Variants in MYO16 observed in about 807,000 individuals in gnomAD.
MYO16 encodes the protein unconventional myosin-XVI.
A neutral mutation model predicts 205.3 loss-of-function variants in MYO16; 94 were observed. The ratio of observed to expected loss-of-function variants is 0.46; its 90% CI spans 0.39 to 0.54. The LOEUF (loss-of-function observed/expected upper bound fraction) is 0.54, where lower values mean the gene tolerates loss of function less well. Among genes scored for constraint, MYO16 ranks in the 20% least tolerant of loss-of-function variants. MYO16 has a pLI of 0.00. For synonymous variants in MYO16, 988 were observed against 954.0 expected (o/e 1.04, Z -0.66); for missense variants, 2,315 against 2,387.5 (o/e 0.97, Z 0.63).
intron 4 of MYO16, among the ~76,000 whole-genome samples, chr13:108,761,957 AAT>A (rs1594273737): frequency 6.6e-6 from 1 of 152,182 alleles, no homozygotes; most frequent in East Asian, 1.9e-4. Flanking sequence ...CCATCACCTA[AAT>A]AGTTTAAGTT....
At chr13:108,503,013 C>T in the MYO16 span, among the ~76,000 whole-genome samples, 1 of 151,970 alleles carries the variant, frequency 6.6e-6, no homozygotes. Context: ...CATTTTATAG[C>T]GTGTAGAAAC....
the MYO16 span, among the ~76,000 whole-genome samples, chr13:108,498,849 C>T: frequency 6.6e-6 from 1 of 152,158 alleles, no homozygotes; most frequent in East Asian, 1.9e-4. Flanking sequence ...TTGATCCTCA[C>T]AAGTGCCCTG....
chr13:108,898,210 G>A, intron 15 of MYO16, 77 bp downstream of exon 15: 1 of 1,114,748 alleles, frequency 9.0e-7, no homozygotes, highest in Non-Finnish European at 1.4e-6. Context: ...GCACGCTATG[G>A]ACACACTGTG....
At chr13:108,678,770 C>A (rs76107076) in intron 2 of MYO16, among the ~76,000 whole-genome samples, 1,803 of 152,294 alleles carry the variant, frequency 0.012, 37 homozygotes, top group African/African-American at 0.041. Context: ...TTCCCCTCTG[C>A]AAATTCTAGA....
At chr13:109,002,574 C>T (rs1211240607) in intron 21 of MYO16, among the ~76,000 whole-genome samples, 1 of 152,254 alleles carries the variant, frequency 6.6e-6, no homozygotes, top group African/African-American at 2.4e-5. Context: ...TTTATGAATA[C>T]TCACCTTTCA....
At chr13:108,968,352 G>A (rs976702951) in intron 20 of MYO16, among the ~76,000 whole-genome samples, 2 of 152,192 alleles carry the variant, frequency 1.3e-5, no homozygotes, top group African/African-American at 4.8e-5. Context: ...GCTCATGCCT[G>A]TAATCCCAGC....
intron 25 of MYO16, chr13:109,054,223 T>C: frequency 4.2e-6 from 1 of 238,994 alleles, no homozygotes; most frequent in Non-Finnish European, 8.7e-6. Flanking sequence ...ATGTAATCTT[T>C]TCTACATATG....
At chr13:109,036,032 G>C (rs1019421907) in intron 23 of MYO16, among the ~76,000 whole-genome samples, 1 of 152,206 alleles carries the variant, frequency 6.6e-6, no homozygotes, top group Non-Finnish European at 1.5e-5. Context: ...TAGCCACATA[G>C]TAGGTGCTCA....
In MYO16 at chr13:109,125,268, G is replaced by T; in HGVS notation, c.3692G>T (p.Arg1231Leu). Residue 1231 changes from arginine to leucine, a missense_variant, in exon 30 of 35, where the codon CGG becomes CTG. Physicochemically the swap from Arg to Leu is moderately radical, Grantham distance 102 (BLOSUM62 -2). Around this residue, in one of 3 missense-constraint regions of MYO16, gnomAD observed 1,097 missense variants for 1,092.0 expected, o/e 1.00. Coordinates refer to ENST00000457511, the MANE Select transcript of MYO16 (RefSeq NM_001198950.3). This position sits in a 1 kb window ranked among gnomAD's most constrained non-coding sequence, Gnocchi z 4.0. ...ATTCAGAATGCTTCAGACATTGCCC[G>T]GGAAAATGACCGGCTCCGTAGTGAA... ...LVIQNASDIA[R>L]ENDRLRSEMN... 1 of 1,614,104 alleles carries T rather than the reference G, an allele frequency of 6.2e-7. No individual in the cohort carries two copies. The highest frequency in any genetic ancestry group is 1.1e-5 in the South Asian group (1 of 91,064).
intron 1 of MYO16, among the ~76,000 whole-genome samples, chr13:108,646,535 C>G (rs79871575): frequency 6.6e-6 from 1 of 152,108 alleles, no homozygotes; most frequent in Non-Finnish European, 1.5e-5. Context: ...TGGCATTAAG[C>G]CTTCATCTTT....
intron 32 of MYO16, among the ~76,000 whole-genome samples, chr13:109,164,382 C>T (rs1346181572): frequency 6.6e-6 from 1 of 152,206 alleles, no homozygotes; most frequent in East Asian, 1.9e-4. Context: ...ACAAGCATTA[C>T]ATATTTAAGT....
chr13:109,058,859 T>C (rs1209020757), intron 27 of MYO16, among the ~76,000 whole-genome samples: 2 of 152,224 alleles, frequency 1.3e-5, no homozygotes, highest in Non-Finnish European at 2.9e-5. Context: ...TTCTGAACTC[T>C]TACCACTGCT....
At chr13:108,876,877 G>A (rs755761480) in intron 12 of MYO16, among the ~76,000 whole-genome samples, 5 of 151,890 alleles carry the variant, frequency 3.3e-5, no homozygotes, top group East Asian at 3.9e-4. Flanking sequence ...CAAGTTAGCC[G>A]GGATGGTCTC....
intron 22 of MYO16, among the ~76,000 whole-genome samples, chr13:109,017,989 G>A (rs775340387): frequency 4.5e-4 from 68 of 152,124 alleles, no homozygotes; most frequent in Non-Finnish European, 8.5e-4. Context: ...GTCATTCTCC[G>A]TCCTGCTTTG....
At chr13:108,768,120 C>T (rs1320467558) in intron 4 of MYO16, among the ~76,000 whole-genome samples, 1 of 152,158 alleles carries the variant, frequency 6.6e-6, no homozygotes, top group Non-Finnish European at 1.5e-5. Flanking sequence ...TCTCAGACTC[C>T]AAGCCTTATT....
At chr13:109,029,053 G>A (rs867181132) in intron 23 of MYO16, among the ~76,000 whole-genome samples, 2 of 150,380 alleles carry the variant, frequency 1.3e-5, no homozygotes, top group Non-Finnish European at 2.9e-5. Context: ...TGCTGCAGTC[G>A]ATTCTAGATG....
intron 27 of MYO16, among the ~76,000 whole-genome samples, chr13:109,080,102 C>T (rs1294631208): frequency 6.6e-6 from 1 of 152,002 alleles, no homozygotes; most frequent in African/African-American, 2.4e-5. Flanking sequence ...TCTCAAAACT[C>T]CTGACCTCGT....
intron 20 of MYO16, among the ~76,000 whole-genome samples, chr13:108,970,391 C>G (rs1883963197): frequency 6.6e-6 from 1 of 152,158 alleles, no homozygotes; most frequent in African/African-American, 2.4e-5. Context: ...AAAACTTAAT[C>G]AGGTCCCGAG....
rs774812688 is a variant in MYO16, at chr13:109,140,994, G to GCCGCCC, written c.4801_4806dup (p.Pro1601_Pro1602dup). 3.0e-4 allele frequency: 398 copies of GCCGCCC among 1,336,946 alleles called. 2 individuals are homozygous for GCCGCCC. The highest frequency in any genetic ancestry group is 8.4e-4 in the East Asian group (27 of 32,156). 82.8% of individuals were successfully genotyped at this position (1,336,946 alleles called of 1,614,324 possible). A position where few individuals can be genotyped will look rare whatever the true frequency, so the allele number is the denominator to read the frequency against. On this transcript the variant is annotated inframe_insertion, in exon 32 of 35. Transcript: ENST00000457511. The surrounding 1 kb of genome is among the most constrained non-coding windows in gnomAD (Gnocchi z 8.0). ...CCGGCCGAGCCTCCCCGCCGTCCAC[G>GCCGCCC]CCGCCCCCGCCCCCGCCCCCGCCCG...
Sources: allele counts gnomAD v4.1 joint callset (sites outside exome capture counted in the v4.1 genomes callset), GRCh38; gene constraint gnomAD v4.1.1; regional missense constraint gnomAD v4.1.1; non-coding constraint Gnocchi (gnomAD v3.1); transcripts MANE v1.5; gene names NCBI Gene and HGNC (gene_info 2026-07-23, HGNC 2026-07-21).